DIS3L2: variants seen among roughly 807,000 people sequenced by gnomAD.
DIS3L2 encodes the protein DIS3-like exonuclease 2.
A neutral mutation model predicts 97.5 loss-of-function variants in DIS3L2; 34 were observed. That is an observed-to-expected ratio of 0.35 (90% CI 0.27 to 0.46). The LOEUF (loss-of-function observed/expected upper bound fraction) is 0.46, where lower values mean the gene tolerates loss of function less well. DIS3L2 is among the 20% of genes least tolerant of loss of function. The pLI is 1.00. For synonymous variants in DIS3L2, 435 were observed against 445.2 expected (o/e 0.98, Z 0.29); for missense variants, 1,038 against 1,146.0 (o/e 0.91, Z 1.36).
intron 1 of DIS3L2, among the ~76,000 whole-genome samples, chr2:231,981,727 T>C (rs1693270558): frequency 6.7e-6 from 1 of 149,894 alleles, no homozygotes; most frequent in African/African-American, 2.4e-5. Context: ...GTGTCCTTTT[T>C]TTTAGATGTT....
In DIS3L2 at chr2:232,276,858, C is replaced by T. The variant is rs1219266564; in HGVS notation, c.1659+13418C>T. On this transcript the variant is annotated intron_variant, in intron 13 of 20. Coordinates refer to ENST00000325385, the MANE Select transcript of DIS3L2 (RefSeq NM_152383.5). The surrounding 1 kb of genome is among the most constrained non-coding windows in gnomAD (Gnocchi z 4.4). The stretch of plus-strand genomic sequence containing the variant: ...TTAGATGAGATGTACCCGTAAAACA[C>T]TTGGAACAGTGCCTGACACATAGCA... 6.6e-6 allele frequency among the ~76,000 whole-genome samples: 1 copy of T among 152,228 alleles called. No homozygotes were observed. The highest frequency in any genetic ancestry group is 1.5e-5 in the Non-Finnish European group (1 of 68,042).
At chr2:232,342,262 TACACATATAC>T (rs1696126809) in intron 13 of DIS3L2, among the ~76,000 whole-genome samples, 2 of 146,098 alleles carry the variant, frequency 1.4e-5, no homozygotes, top group African/African-American at 5.1e-5. Context: ...CATACACACA[TACACATATAC>T]ATATATACAC....
Position 231,962,437 on chromosome 2 carries a change from C to CTT in DIS3L2, c.-94+687_-94+688dup, listed in dbSNP as rs752430172. Reference sequence around the variant, plus strand: ...AGTAGTCTACAGTGTCTACCGTTACCTTTTTTTTTTTTTTTTGAGACGGAG... The same window carrying CTT: ...AGTAGTCTACAGTGTCTACCGTTACCTTTTTTTTTTTTTTTTTTGAGACGGAG... On this transcript the variant is annotated intron_variant, in intron 1 of 20. Transcript: ENST00000325385. 2.3e-3 allele frequency among the ~76,000 whole-genome samples: 310 copies of CTT among 132,034 alleles called. 4 individuals carry two copies. Among genetic ancestry groups the CTT allele is most frequent in the Non-Finnish European group, 3.1e-3 (193 of 62,892 alleles). The allele number at this position is 132,034 out of a possible 152,430, so 86.6% of individuals were successfully genotyped here.
chr2:232,093,623 T>C (rs1696915218), intron 6 of DIS3L2, among the ~76,000 whole-genome samples: 1 of 152,162 alleles, frequency 6.6e-6, no homozygotes, highest in African/African-American at 2.4e-5. Context: ...TGGTAGGTTG[T>C]ATGTGTCTAG....
At chr2:232,077,342 T>A (rs1696224692) in intron 5 of DIS3L2, among the ~76,000 whole-genome samples, 1 of 151,908 alleles carries the variant, frequency 6.6e-6, no homozygotes, top group African/African-American at 2.4e-5. Context: ...AGATCTGTGC[T>A]TGGTAAAACT....
intron 13 of DIS3L2, among the ~76,000 whole-genome samples, chr2:232,272,811 G>A (rs904901281): frequency 6.6e-5 from 10 of 152,138 alleles, no homozygotes; most frequent in African/African-American, 2.4e-4. Flanking sequence ...TTCTCTGCTA[G>A]GTGCCCTTCC....
chr2:232,036,676 C>T (rs1295985289), intron 5 of DIS3L2, among the ~76,000 whole-genome samples: 1 of 152,132 alleles, frequency 6.6e-6, no homozygotes, highest in Non-Finnish European at 1.5e-5. Context: ...CTTGGTCTTT[C>T]CTGTTGGTGA....
chr2:232,116,195 TAAATAAA>T (rs1559644876), intron 6 of DIS3L2, among the ~76,000 whole-genome samples: 1 of 150,834 alleles, frequency 6.6e-6, no homozygotes, highest in Non-Finnish European at 1.5e-5. Flanking sequence ...AATAAATAAA[TAAATAAA>T]TAAATAAATA....
intron 11 of DIS3L2, among the ~76,000 whole-genome samples, chr2:232,248,388 A>G (rs1443374444): frequency 1.3e-5 from 2 of 152,194 alleles, no homozygotes; most frequent in African/African-American, 4.8e-5. Context: ...TGGTCCTGCC[A>G]TTAATCAAGA....
intron 1 of DIS3L2, among the ~76,000 whole-genome samples, chr2:231,981,637 T>TGA (rs1553596975): frequency 7.5e-6 from 1 of 133,968 alleles, no homozygotes; most frequent in Non-Finnish European, 1.6e-5. Context: ...TATATATATA[T>TGA]GAGACATATT....
rs1266422116 is a variant in DIS3L2, at chr2:232,130,663, T to A, written c.646T>A (p.Cys216Ser). The A allele has an allele frequency of 6.2e-7, 1 of 1,613,874 alleles. No homozygotes were observed. Among genetic ancestry groups the A allele is most frequent in the Non-Finnish European group, 8.5e-7 (1 of 1,179,842 alleles). Residue 216 changes from cysteine to serine, a missense_variant, in exon 7 of 21, where the codon TGC becomes AGC. Around this residue, in one of 3 missense-constraint regions of DIS3L2, gnomAD observed 813 missense variants for 880.1 expected, o/e 0.92. Transcript: ENST00000325385. ...DAPVTKDETTCISQDTRALSE... is the reference protein window; with the variant it reads ...DAPVTKDETTSISQDTRALSE... ...ACCGGTTACAAAAGATGAGACCACC[T>A]GCATTTCACAAGACACAAGAGCTTT...
rs59088969 is a variant in DIS3L2, at chr2:231,989,339, T to TTGTGTGTGTG, written c.-93-25470_-93-25461dup. ...TTTAAAAATGTATGTGTCAGTATAA[T>TTGTGTGTGTG]TGTGTGTGTGTGTGTGTGTGTGTGT... On this transcript the variant is annotated intron_variant, in intron 1 of 20. Transcript: ENST00000325385. Among the ~76,000 whole-genome samples the TTGTGTGTGTG allele has an allele frequency of 1.0e-3, 153 of 146,802 alleles. 1 individual carries two copies. The highest frequency in any genetic ancestry group is 7.0e-3 in the South Asian group (32 of 4,584).
intron 16 of DIS3L2, among the ~76,000 whole-genome samples, chr2:232,332,347 C>T (rs1695762851): frequency 6.6e-6 from 1 of 152,160 alleles, no homozygotes; most frequent in South Asian, 2.1e-4. Flanking sequence ...TCAGCTGCGC[C>T]CTGGATTCCA....
At chr2:232,171,015 A>C (rs934558419) in intron 9 of DIS3L2, among the ~76,000 whole-genome samples, 1 of 152,198 alleles carries the variant, frequency 6.6e-6, no homozygotes, top group Non-Finnish European at 1.5e-5. Context: ...AATTGCCTTT[A>C]GAAGAAGGTT....
chr2:232,275,484 TTGTA>T (rs1473138723), intron 13 of DIS3L2, among the ~76,000 whole-genome samples: 2 of 152,172 alleles, frequency 1.3e-5, no homozygotes, highest in Non-Finnish European at 2.9e-5. Flanking sequence ...ACTGTGCCCA[TTGTA>T]TTGTCTACAA....
At chr2:232,339,390 AG>A (rs1696058772), downstream of DIS3L2, among the ~76,000 whole-genome samples, 1 of 152,190 alleles carries the variant, frequency 6.6e-6, no homozygotes. Flanking sequence ...GTGGGAGGCC[AG>A]GCAGGAGGGG....
At chr2:232,131,839 G>A (rs1489336450) in intron 7 of DIS3L2, 1 of 150,482 alleles carries the variant, frequency 6.6e-6, no homozygotes, top group Admixed American at 6.7e-5. Context: ...CATGCTAAGT[G>A]TGGGAGATTA....
At chr2:232,011,678 CAG>C (rs1160790830) in intron 1 of DIS3L2, among the ~76,000 whole-genome samples, 1 of 143,702 alleles carries the variant, frequency 7.0e-6, no homozygotes, top group Non-Finnish European at 1.5e-5. Flanking sequence ...TTTTTTGAGA[CAG>C]AGTCTCACTC....
At chr2:232,305,012 C>G (rs1694951843) in intron 14 of DIS3L2, among the ~76,000 whole-genome samples, 1 of 152,166 alleles carries the variant, frequency 6.6e-6, no homozygotes, top group Non-Finnish European at 1.5e-5. Flanking sequence ...ACTTTATTCT[C>G]CTTGTAGCAG....
Sources: gnomAD v4.1 joint callset for allele counts (sites outside exome capture counted in the v4.1 genomes callset) on GRCh38, gnomAD v4.1.1 for gene constraint, gnomAD v4.1.1 regional missense constraint, Gnocchi (gnomAD v3.1) non-coding constraint, MANE v1.5 for transcripts, NCBI Gene and HGNC (gene_info 2026-07-23, HGNC 2026-07-21) for gene names.